Variants in ITGAE observed in about 807,000 individuals in gnomAD.
ITGAE encodes the protein integrin alpha-E.
In ITGAE, 99 loss-of-function variants were observed where a neutral mutation model predicts 136.5. The ratio of observed to expected loss-of-function variants is 0.73; its 90% CI spans 0.62 to 0.86. ITGAE has a LOEUF of 0.86. ITGAE is among the 40% of genes least tolerant of loss of function. ITGAE has a pLI of 0.00. For missense variants in ITGAE, 1,447 were observed against 1,515.3 expected (o/e 0.95, Z 0.75); for synonymous variants, 613 against 591.8 (o/e 1.04, Z -0.52).
intron 8 of ITGAE, among the ~76,000 whole-genome samples, chr17:3,759,136 C>CAA (rs35626365): frequency 1.5e-3 from 206 of 135,666 alleles, no homozygotes; most frequent in Non-Finnish European, 2.4e-3. Context: ...AAAAAAAAAA[C>CAA]AAAAAAAAAA....
intron 3 of ITGAE, among the ~76,000 whole-genome samples, chr17:3,763,304 A>G (rs1019767669): frequency 1.9e-5 from 2 of 104,106 alleles, no homozygotes; most frequent in African/African-American, 4.3e-5. Context: ...TGAGTGAATC[A>G]GGTTCATTCA....
chr17:3,782,844 T>G (rs941750601), intron 1 of ITGAE, among the ~76,000 whole-genome samples: 1 of 152,136 alleles, frequency 6.6e-6, no homozygotes, highest in African/African-American at 2.4e-5. Context: ...AAACACGATA[T>G]AAGGAATGAC....
chr17:3,772,234 C>T (rs1305752114), intron 2 of ITGAE, among the ~76,000 whole-genome samples: 2 of 152,142 alleles, frequency 1.3e-5, no homozygotes, highest in African/African-American at 4.8e-5. Flanking sequence ...GTACCTCGGA[C>T]GTCCCCCAAC....
chr17:3,745,785 C>CAGG lies in ITGAE; in HGVS notation c.2295_2297dup (p.Leu767dup). On this transcript the variant is annotated inframe_insertion, in exon 18 of 31. Transcript: ENST00000263087. ...TTACCTCTCCCTCTGTGGGCATGAG[C>CAGG]AGGAGGTCCTCACAAAGCTGGGATC... 1.2e-6 allele frequency: 2 copies of CAGG among 1,614,064 alleles called. No individual in the cohort carries two copies. The highest frequency in any genetic ancestry group is 1.1e-5 in the South Asian group (1 of 91,066).
chr17:3,755,163 T>C lies in ITGAE; in HGVS notation c.1338A>G (p.Thr446=), dbSNP rs773536247. Residue 446 remains threonine, a synonymous_variant, in exon 12 of 31, where the codon ACA becomes ACG. Coordinates refer to ENST00000263087, the MANE Select transcript of ITGAE (RefSeq NM_002208.5). ...RSRRGRFLNQ[T]AAAAADAEAA... ...CCTCCGCGTCTGCCGCCGCCGCCGCTGTCTGGTTCAGGAAGCGGCCCCGGC... is the reference window on the plus strand; with the variant it reads ...CCTCCGCGTCTGCCGCCGCCGCCGCCGTCTGGTTCAGGAAGCGGCCCCGGC... 21 of 1,508,064 alleles carry C rather than the reference T, an allele frequency of 1.4e-5. No homozygotes were observed. The East Asian group carries it at 3.0e-4, about 21-fold the overall frequency. 93.4% of individuals were successfully genotyped at this position (1,508,064 alleles called of 1,614,324 possible). A position where few individuals can be genotyped will look rare whatever the true frequency, so the allele number is the denominator to read the frequency against.
At chr17:3,777,769 C>G in intron 1 of ITGAE, 109 bp from the exon 2 acceptor site, 2 of 1,281,416 alleles carry the variant, frequency 1.6e-6, no homozygotes, top group South Asian at 1.4e-5. Flanking sequence ...AGTGAGACTG[C>G]CCAGGGATCT....
intron 18 of ITGAE, among the ~76,000 whole-genome samples, chr17:3,744,424 C>A (rs1276971347): frequency 1.3e-5 from 2 of 149,442 alleles, no homozygotes; most frequent in Non-Finnish European, 2.9e-5. Context: ...ACAGCCACAC[C>A]TGGGTTTATC....
At chr17:3,739,464 C>A (rs1376532520) in intron 20 of ITGAE, among the ~76,000 whole-genome samples, 3 of 152,096 alleles carry the variant, frequency 2.0e-5, no homozygotes, top group African/African-American at 7.2e-5. Context: ...AAGAGGTTAC[C>A]TCTAACTGAG....
intron 26 of ITGAE, chr17:3,725,521 TTG>T (rs1355432713): frequency 6.2e-7 from 1 of 1,614,014 alleles, no homozygotes; most frequent in Non-Finnish European, 8.5e-7. Flanking sequence ...CAGAAAACCT[TTG>T]AGGAAATCCT....
At chr17:3,795,783 A>C (rs969273460) in intron 1 of ITGAE, among the ~76,000 whole-genome samples, 10 of 151,316 alleles carry the variant, frequency 6.6e-5, no homozygotes, top group African/African-American at 1.9e-4. Context: ...GCGTGTGTGC[A>C]TGTGTGTGCA....
At chr17:3,764,798 GC>G (rs1272591336) in intron 2 of ITGAE, among the ~76,000 whole-genome samples, 2 of 152,146 alleles carry the variant, frequency 1.3e-5, no homozygotes, top group African/African-American at 4.8e-5. Flanking sequence ...CAAACTTCTT[GC>G]CCCCACCCAG....
At chr17:3,734,681 G>T in intron 21 of ITGAE, 136 bp downstream of exon 21, 1 of 1,069,448 alleles carries the variant, frequency 9.4e-7, no homozygotes, top group Non-Finnish European at 1.4e-6. Context: ...GATTTATCTA[G>T]TTATTAACCA....
chr17:3,761,832 G>T, intron 4 of ITGAE, 83 bp downstream of exon 4: 1 of 1,212,704 alleles, frequency 8.2e-7, no homozygotes, highest in Non-Finnish European at 1.2e-6. Flanking sequence ...ATGGCAGTCA[G>T]AACTGGTCTC....
chr17:3,790,527 C>A lies in ITGAE; in HGVS notation c.34+10584G>T, dbSNP rs998597469. Among the ~76,000 whole-genome samples the A allele has an allele frequency of 1.1e-3, 66 of 61,510 alleles. No homozygotes were observed. In the African/African-American group the frequency reaches 0.011, roughly 11 times the overall value. 40.4% of individuals were successfully genotyped at this position (61,510 alleles called of 152,430 possible). On this transcript the variant is annotated intron_variant, in intron 1 of 30. Coordinates refer to ENST00000263087, the MANE Select transcript of ITGAE (RefSeq NM_002208.5). Reference sequence around the variant, plus strand: ...TCTCAAACAAACACACACACACACACACACAAAAGAAAAAGAGGTGAAATA... The same window carrying A: ...TCTCAAACAAACACACACACACACAAACACAAAAGAAAAAGAGGTGAAATA...
chr17:3,742,819 T>A (rs1268927219), intron 19 of ITGAE, among the ~76,000 whole-genome samples: 1 of 152,096 alleles, frequency 6.6e-6, no homozygotes, highest in Non-Finnish European at 1.5e-5. Context: ...ACCCGGCCAA[T>A]TTTTGTATTT....
Position 3,748,178 on chromosome 17 carries a change from C to G in ITGAE, c.2025-126G>C, listed in dbSNP as rs1170666324. The G allele has an allele frequency of 1.8e-5, 17 of 953,222 alleles. No individual in the cohort carries two copies. The East Asian group carries it at 4.5e-4, about 25-fold the overall frequency. 59.0% of individuals were successfully genotyped at this position (953,222 alleles called of 1,614,324 possible). A position where few individuals can be genotyped will look rare whatever the true frequency, so the allele number is the denominator to read the frequency against. ...GCCCACATCCAGGTGATCCCTGAGT[C>G]TCAGGGTACAGTGGGGAAAGAGACA... On this transcript the variant is annotated intron_variant, in intron 16 of 30. Coordinates refer to ENST00000263087, the MANE Select transcript of ITGAE (RefSeq NM_002208.5).
At chr17:3,737,861 T>G (rs1270405291) in intron 20 of ITGAE, among the ~76,000 whole-genome samples, 1 of 152,140 alleles carries the variant, frequency 6.6e-6, no homozygotes, top group Non-Finnish European at 1.5e-5. Flanking sequence ...GTTTGCTTGC[T>G]ATGTACACTA....
chr17:3,746,565 C>T (rs1219079428), intron 17 of ITGAE, among the ~76,000 whole-genome samples: 2 of 152,032 alleles, frequency 1.3e-5, no homozygotes, highest in Non-Finnish European at 2.9e-5. Flanking sequence ...ACACCATTCT[C>T]CTGCCTCAGC....
rs759972841 is a variant in ITGAE, at chr17:3,777,680, G to A, written c.35-20C>T. ...CCAGGCCTGTAGGGAAAAGAGGAGC[G>A]TTTAATGAAAGAGGCCTTTTACTCC... On this transcript the variant is annotated intron_variant, in intron 1 of 30. Coordinates refer to ENST00000263087, the MANE Select transcript of ITGAE (RefSeq NM_002208.5). The A allele has an allele frequency of 1.8e-5, 28 of 1,593,026 alleles. No individual in the cohort carries two copies. In the Admixed American group the frequency reaches 2.9e-4, roughly 16 times the overall value.
Sources: allele counts gnomAD v4.1 joint callset (sites outside exome capture counted in the v4.1 genomes callset), GRCh38; gene constraint gnomAD v4.1.1; transcripts MANE v1.5; gene names NCBI Gene and HGNC (gene_info 2026-07-23, HGNC 2026-07-21).